Variants in KIAA0513 observed in about 807,000 individuals in gnomAD.
KIAA0513 encodes uncharacterized protein KIAA0513.
Under a neutral mutation model 56.5 loss-of-function variants are expected in KIAA0513, and 39 were observed. That is an observed-to-expected ratio of 0.69 (90% CI 0.53 to 0.90). The LOEUF (loss-of-function observed/expected upper bound fraction) is 0.90. KIAA0513 is among the 40% of genes least tolerant of loss of function. The probability of loss-of-function intolerance (pLI) is 0.00; values close to 1 mark genes in which losing one functional copy is unlikely to be tolerated. For missense variants in KIAA0513, 591 were observed against 535.2 expected (o/e 1.10, Z -1.03); for synonymous variants, 268 against 215.6 (o/e 1.24, Z -2.13).
At chr16:85,034,962 A>G (rs1429744301) in intron 1 of KIAA0513, among the ~76,000 whole-genome samples, 1 of 152,136 alleles carries the variant, frequency 6.6e-6, no homozygotes, top group African/African-American at 2.4e-5. Context: ...ACCCCCTGTC[A>G]CCGGAGACAA....
intron 2 of KIAA0513, among the ~76,000 whole-genome samples, 165 bp downstream of exon 2, chr16:85,067,565 G>A (rs911254213): frequency 5.9e-5 from 9 of 152,170 alleles, no homozygotes; most frequent in Admixed American, 2.0e-4. Context: ...TCCACTCCAG[G>A]CTGCATGCAG....
chr16:85,067,418 A>G lies in KIAA0513; in HGVS notation c.329+18A>G, dbSNP rs751240520. On this transcript the variant is annotated intron_variant, in intron 2 of 12. Coordinates refer to ENST00000683363, the MANE Select transcript of KIAA0513 (RefSeq NM_001388359.1). Reference sequence around the variant, plus strand: ...TCTGGAGGGTAAGGGGCCTGTGTGGACGAGACAGCCTGGTGTGGCCACAGG... The same window carrying G: ...TCTGGAGGGTAAGGGGCCTGTGTGGGCGAGACAGCCTGGTGTGGCCACAGG... 2 of 1,575,608 alleles carry G rather than the reference A, an allele frequency of 1.3e-6. No individual in the cohort carries two copies. The highest frequency in any genetic ancestry group is 8.6e-7 in the Non-Finnish European group (1 of 1,164,522).
chr16:85,047,791 G>A (rs1044910392), intron 1 of KIAA0513, among the ~76,000 whole-genome samples: 2 of 152,154 alleles, frequency 1.3e-5, no homozygotes, highest in African/African-American at 4.8e-5. Flanking sequence ...TCTGGATATC[G>A]AGTTGTATTT....
intron 1 of KIAA0513, among the ~76,000 whole-genome samples, chr16:85,038,165 A>C (rs941474078): frequency 6.6e-6 from 1 of 152,020 alleles, no homozygotes; most frequent in Non-Finnish European, 1.5e-5. Flanking sequence ...GGGCCACACT[A>C]TGTCGCCGTA....
chr16:85,032,192 C>T (rs1260093359), intron 1 of KIAA0513, among the ~76,000 whole-genome samples: 2 of 152,224 alleles, frequency 1.3e-5, no homozygotes, highest in Non-Finnish European at 2.9e-5. Flanking sequence ...GCAGCTGCAT[C>T]ACCCCAGGGT....
chr16:85,048,765 A>C (rs1040478471), intron 1 of KIAA0513, among the ~76,000 whole-genome samples: 5 of 152,192 alleles, frequency 3.3e-5, no homozygotes, highest in African/African-American at 1.2e-4. Context: ...AATGATGATA[A>C]TAATACTAAT....
intron 1 of KIAA0513, among the ~76,000 whole-genome samples, chr16:85,064,006 T>C (rs1328656089): frequency 2.0e-5 from 1 of 48,918 alleles, no homozygotes; most frequent in African/African-American, 1.7e-4. Context: ...ATTTATTTAC[T>C]TTTTTTTTTT....
At chr16:85,037,205 A>C (rs987562386) in intron 1 of KIAA0513, among the ~76,000 whole-genome samples, 1 of 151,992 alleles carries the variant, frequency 6.6e-6, no homozygotes, top group African/African-American at 2.4e-5. Flanking sequence ...CCTGGCCTTT[A>C]CATCACAGCC....
chr16:85,066,275 A>C (rs538611475), intron 1 of KIAA0513, among the ~76,000 whole-genome samples: 7 of 152,056 alleles, frequency 4.6e-5, no homozygotes, highest in Admixed American at 2.0e-4. Context: ...GAGAAGGGAG[A>C]GGGCTGCCCA....
chr16:85,050,615 C>T (rs1051199672), intron 1 of KIAA0513, among the ~76,000 whole-genome samples: 2 of 152,146 alleles, frequency 1.3e-5, no homozygotes, highest in Non-Finnish European at 2.9e-5. Context: ...CGTGCCCAGC[C>T]GAGCTGTTGA....
At position 85,091,292 on chromosome 16, in the gene KIAA0513, C is replaced by A. The variant is rs1285966378; in HGVS notation, c.*2967C>A. The A allele has an allele frequency of 1.3e-5, 2 of 152,218 alleles. No individual in the cohort carries two copies. The highest frequency in any genetic ancestry group is 6.5e-5 in the Admixed American group (1 of 15,278). The allele number at this position is 152,218 out of a possible 1,614,324, so 9.4% of individuals were successfully genotyped here. A position where few individuals can be genotyped will look rare whatever the true frequency, so the allele number is the denominator to read the frequency against. ...CATGGTATGTTTTTAGCCTTTGTTA[C>A]AGTTTTAGCAACATTGATGTCTAAG... On this transcript the variant is annotated 3_prime_UTR_variant, in exon 13 of 13. Transcript: ENST00000683363.
chr16:85,050,680 A>T (rs977819540), intron 1 of KIAA0513, among the ~76,000 whole-genome samples: 4 of 151,722 alleles, frequency 2.6e-5, no homozygotes, highest in Non-Finnish European at 5.9e-5. Flanking sequence ...GGGCTGACTC[A>T]CCCCTTGTTT....
rs535184554 is a variant in KIAA0513, at chr16:85,076,073, A to G, written c.574+159A>G. On this transcript the variant is annotated intron_variant, in intron 5 of 12. Coordinates refer to ENST00000683363, the MANE Select transcript of KIAA0513 (RefSeq NM_001388359.1). The surrounding 1 kb of genome is among the most constrained non-coding windows in gnomAD (Gnocchi z 4.7). ...GGAGGAGTGAGACTTCGGAGAAAACACAGTCCGAATCATGGGGCAGGAGGT... is the reference window on the plus strand; with the variant it reads ...GGAGGAGTGAGACTTCGGAGAAAACGCAGTCCGAATCATGGGGCAGGAGGT... Among the ~76,000 whole-genome samples, 2 of 152,280 alleles carry G rather than the reference A, an allele frequency of 1.3e-5. No homozygotes were observed. The highest frequency in any genetic ancestry group is 3.9e-4 in the East Asian group (2 of 5,176).
At chr16:85,083,032 C>T (rs750288932) in intron 10 of KIAA0513, among the ~76,000 whole-genome samples, 1 of 152,206 alleles carries the variant, frequency 6.6e-6, no homozygotes, top group Non-Finnish European at 1.5e-5. Flanking sequence ...GGTCCCGGCT[C>T]ATCTGGGAAG....
intron 1 of KIAA0513, among the ~76,000 whole-genome samples, chr16:85,050,363 T>A (rs562142178): frequency 6.8e-6 from 1 of 147,962 alleles, no homozygotes; most frequent in Admixed American, 6.7e-5. Flanking sequence ...TTATTTATTT[T>A]TTTTGAGACG....
intron 1 of KIAA0513, among the ~76,000 whole-genome samples, chr16:85,046,059 T>C (rs769096116): frequency 6.6e-6 from 1 of 152,194 alleles, no homozygotes; most frequent in Non-Finnish European, 1.5e-5. Flanking sequence ...GATGTTGCCC[T>C]TGATCTTGCC....
rs2073861209 is a variant in KIAA0513, at chr16:85,090,923, T to G, written c.*2598T>G. On this transcript the variant is annotated 3_prime_UTR_variant, in exon 13 of 13. Coordinates refer to ENST00000683363, the MANE Select transcript of KIAA0513 (RefSeq NM_001388359.1). ...GGACCTGGGCAGAGCAGGCATGAGC[T>G]GGGCTGTGGTGCAGAGCAAGCAGAC... The G allele has an allele frequency of 6.6e-6, 1 of 152,346 alleles. No individual in the cohort carries two copies. Among genetic ancestry groups the G allele is most frequent in the Non-Finnish European group, 1.5e-5 (1 of 68,138 alleles). 9.4% of individuals were successfully genotyped at this position (152,346 alleles called of 1,614,324 possible).
chr16:85,073,430 G>A (rs2073609016), intron 4 of KIAA0513, among the ~76,000 whole-genome samples: 1 of 152,220 alleles, frequency 6.6e-6, no homozygotes, highest in East Asian at 1.9e-4. Context: ...ACACTGATTA[G>A]GCACTGCTGG....
chr16:85,082,580 G>A lies in KIAA0513; in HGVS notation c.997G>A (p.Glu333Lys). 1 of 1,614,122 alleles carries A rather than the reference G, an allele frequency of 6.2e-7. No individual in the cohort carries two copies. Among genetic ancestry groups the A allele is most frequent in the Non-Finnish European group, 8.5e-7 (1 of 1,179,998 alleles). ...CCGCTCCAGAGGGGATGCTGGAGAG[G>A]AGGAGGAGAAGAGGTGTGTGTGTCC... ...SPTTRGDAGE[E>K]EEKREKWCHM... Residue 333 changes from glutamate to lysine, a missense_variant, in exon 10 of 13, where the codon GAG becomes AAG. Glu to Lys is a moderately conservative substitution (Grantham distance 56). Coordinates refer to ENST00000683363, the MANE Select transcript of KIAA0513 (RefSeq NM_001388359.1).
Sources: gnomAD v4.1 joint callset for allele counts (sites outside exome capture counted in the v4.1 genomes callset) on GRCh38, gnomAD v4.1.1 for gene constraint, Gnocchi (gnomAD v3.1) non-coding constraint, MANE v1.5 for transcripts, NCBI Gene and HGNC (gene_info 2026-07-23, HGNC 2026-07-21) for gene names.